The following FHIT variants were observed in gnomAD, a reference collection of about 807,000 sequenced individuals.
FHIT encodes the protein fragile histidine triad diadenosine triphosphatase, also known as bis(5'-adenosyl)-triphosphatase.
Under a neutral mutation model 17.9 loss-of-function variants are expected in FHIT, and 19 were observed. That is an observed-to-expected ratio of 1.06 (90% CI 0.74 to 1.56). The LOEUF is 1.56. Among genes scored for constraint, FHIT ranks in the 40% most tolerant of loss-of-function variants. FHIT has a pLI of 0.00. For missense variants in FHIT, 248 were observed against 189.2 expected, an observed-to-expected ratio of 1.31 and a Z score of -1.82; for synonymous variants, 81 against 69.7, an observed-to-expected ratio of 1.16 and a Z score of -0.81.
chr3:60,365,006 A>G (rs981112296), intron 5 of FHIT, among the ~76,000 whole-genome samples: 1 of 151,706 alleles, frequency 6.6e-6, no homozygotes, highest in African/African-American at 2.4e-5. Context: ...TAAGTACATG[A>G]AACAATTTCA....
At position 60,884,160 on chromosome 3, in the gene FHIT, G is replaced by GC. The variant is rs1553758696; in HGVS notation, c.-110-62150_-110-62149insG. Among the ~76,000 whole-genome samples, 3 of 152,102 alleles carry GC rather than the reference G, an allele frequency of 2.0e-5. No homozygotes were observed. The East Asian group carries it at 5.8e-4, about 29-fold the overall frequency. On this transcript the variant is annotated intron_variant, in intron 3 of 9. Transcript: ENST00000492590. ...GGGAAATGCAAATCACAACCACAGTGAGATACCATCTCACCACAGTTATAA... is the reference window on the plus strand; with the variant it reads ...GGGAAATGCAAATCACAACCACAGTGCAGATACCATCTCACCACAGTTATAA...
chr3:60,440,277 A>C (rs1431108090), intron 5 of FHIT, among the ~76,000 whole-genome samples: 3 of 151,952 alleles, frequency 2.0e-5, no homozygotes, highest in Non-Finnish European at 4.4e-5. Flanking sequence ...CTTTTCTCCC[A>C]ATCAGGGAAA....
chr3:60,107,261 G>C (rs533285164), intron 5 of FHIT, among the ~76,000 whole-genome samples: 18 of 140,328 alleles, frequency 1.3e-4, no homozygotes, highest in African/African-American at 4.9e-4. Context: ...AAACTATCCT[G>C]TTACAGATAG....
Position 60,819,038 on chromosome 3 carries a change from C to CT in FHIT, c.-18+2880dup, listed in dbSNP as rs1282544271. ...TCTTTTTTCTTTTCTTTTTTCTTTTCTTTTTTTTTTTTTTGTTTTTGGTCT... is the reference window on the plus strand; with the variant it reads ...TCTTTTTTCTTTTCTTTTTTCTTTTCTTTTTTTTTTTTTTTGTTTTTGGTCT... On this transcript the variant is annotated intron_variant, in intron 4 of 9. Transcript: ENST00000492590. Among the ~76,000 whole-genome samples the CT allele has an allele frequency of 7.1e-3, 725 of 102,140 alleles. 7 individuals carry two copies. The highest frequency in any genetic ancestry group is 0.051 in the South Asian group (140 of 2,740). 67.0% of individuals were successfully genotyped at this position (102,140 alleles called of 152,430 possible). A position where few individuals can be genotyped will look rare whatever the true frequency, so the allele number is the denominator to read the frequency against.
intron 1 of FHIT, among the ~76,000 whole-genome samples, chr3:61,224,887 A>G (rs2039931237): frequency 6.6e-6 from 1 of 152,226 alleles, no homozygotes; most frequent in Non-Finnish European, 1.5e-5. Flanking sequence ...TACATACATT[A>G]ATTATAGTAA....
chr3:60,641,956 T>A (rs2039735157), intron 4 of FHIT, among the ~76,000 whole-genome samples: 1 of 151,886 alleles, frequency 6.6e-6, no homozygotes, highest in South Asian at 2.1e-4. Flanking sequence ...GAGAACATGT[T>A]ATCAGAGCCT....
intron 5 of FHIT, among the ~76,000 whole-genome samples, chr3:60,071,192 T>A (rs1439709116): frequency 3.3e-5 from 5 of 152,048 alleles, no homozygotes; most frequent in Admixed American, 1.3e-4. Flanking sequence ...TAGCCCAAAC[T>A]GAGATGTACC....
intron 5 of FHIT, among the ~76,000 whole-genome samples, chr3:60,022,385 G>T (rs1269186501): frequency 6.6e-6 from 1 of 152,244 alleles, no homozygotes; most frequent in Non-Finnish European, 1.5e-5. Context: ...GACCCTTGCA[G>T]TTGGGTGAAG....
At chr3:60,403,264 T>C (rs1201572391) in intron 5 of FHIT, among the ~76,000 whole-genome samples, 1 of 152,052 alleles carries the variant, frequency 6.6e-6, no homozygotes, top group Admixed American at 6.6e-5. Flanking sequence ...GCTTCAAGAG[T>C]ACTGGTTGTT....
chr3:61,158,426 A>G (rs777074748), intron 2 of FHIT, among the ~76,000 whole-genome samples: 2 of 152,072 alleles, frequency 1.3e-5, no homozygotes, highest in Non-Finnish European at 2.9e-5. Context: ...GCAGAATATA[A>G]CTCTCTCTAG....
chr3:59,923,494 GA>G (rs752688247), intron 7 of FHIT, among the ~76,000 whole-genome samples: 38 of 152,124 alleles, frequency 2.5e-4, no homozygotes, highest in Non-Finnish European at 4.7e-4. Flanking sequence ...CAATGATGGT[GA>G]ATCAGGGCTC....
intron 5 of FHIT, among the ~76,000 whole-genome samples, chr3:60,465,308 C>T (rs1160521517): frequency 6.6e-6 from 1 of 152,002 alleles, no homozygotes; most frequent in Non-Finnish European, 1.5e-5. Flanking sequence ...AATATTTTCT[C>T]CCATTCTGTG....
At chr3:60,503,836 CA>C (rs1345750857) in intron 5 of FHIT, among the ~76,000 whole-genome samples, 1 of 152,020 alleles carries the variant, frequency 6.6e-6, no homozygotes, top group Non-Finnish European at 1.5e-5. Context: ...AAAAGATTAA[CA>C]GGGATTATCT....
At chr3:61,002,981 C>A (rs975090117) in intron 3 of FHIT, among the ~76,000 whole-genome samples, 30 of 152,290 alleles carry the variant, frequency 2.0e-4, no homozygotes, top group African/African-American at 7.2e-4. Context: ...GTTGTAATCC[C>A]TTTCTCAAGG....
intron 5 of FHIT, among the ~76,000 whole-genome samples, chr3:60,511,023 C>T (rs544748833): frequency 6.6e-6 from 1 of 152,154 alleles, no homozygotes; most frequent in South Asian, 2.1e-4. Flanking sequence ...TAATGAGTAG[C>T]TATTTTATTA....
chr3:61,137,889 A>G (rs934692750), intron 2 of FHIT, among the ~76,000 whole-genome samples: 2 of 152,174 alleles, frequency 1.3e-5, no homozygotes, highest in Non-Finnish European at 2.9e-5. Context: ...TTTAATCTGC[A>G]TATCTCCAGA....
At chr3:60,464,866 G>T (rs933751915) in intron 5 of FHIT, among the ~76,000 whole-genome samples, 1 of 151,936 alleles carries the variant, frequency 6.6e-6, no homozygotes, top group Non-Finnish European at 1.5e-5. Flanking sequence ...CTTTCTTTTG[G>T]GTATATACCT....
chr3:60,244,087 C>T (rs1333178284), intron 5 of FHIT, among the ~76,000 whole-genome samples: 3 of 152,034 alleles, frequency 2.0e-5, no homozygotes, highest in African/African-American at 7.2e-5. Context: ...CCCATCAAGC[C>T]AGTATATATA....
intron 5 of FHIT, among the ~76,000 whole-genome samples, chr3:60,419,821 T>A (rs1300478243): frequency 2.0e-5 from 3 of 152,192 alleles, no homozygotes; most frequent in South Asian, 4.1e-4. Flanking sequence ...AGTTTCTTAA[T>A]GGGTAAAATG....
Sources: gnomAD v4.1 joint callset for allele counts (sites outside exome capture counted in the v4.1 genomes callset) on GRCh38, gnomAD v4.1.1 for gene constraint, MANE v1.5 for transcripts, NCBI Gene and HGNC (gene_info 2026-07-23, HGNC 2026-07-21) for gene names.